The following PPP6R3 variants were observed in gnomAD, a reference collection of about 807,000 sequenced individuals.
PPP6R3 encodes serine/threonine-protein phosphatase 6 regulatory subunit 3.
PPP6R3 carries 38 observed loss-of-function variants against 110.7 expected under a neutral mutation model. The observed-to-expected ratio is 0.34, with a 90% CI of 0.26 to 0.45. The LOEUF (loss-of-function observed/expected upper bound fraction) is 0.45. PPP6R3 is among the 20% of genes least tolerant of loss of function. The pLI is 1.00. For missense variants in PPP6R3, 870 were observed against 1,062.4 expected (o/e 0.82, Z 2.52); for synonymous variants, 369 against 373.5 (o/e 0.99, Z 0.14).
intron 16 of PPP6R3, 22 bp downstream of exon 16, chr11:68,588,046 C>T (rs190552433): frequency 2.4e-4 from 380 of 1,587,074 alleles, no homozygotes; most frequent in Non-Finnish European, 2.8e-4. Flanking sequence ...TTTCTGTTTC[C>T]GCTGTTGCTC....
At chr11:68,587,710 CAT>C (rs1384805274) in intron 15 of PPP6R3, 4 of 620,050 alleles carry the variant, frequency 6.5e-6, no homozygotes, top group South Asian at 3.7e-5. Flanking sequence ...CTTACAGTGA[CAT>C]GTGCATTAGA....
intron 23 of PPP6R3, 23 bp from the exon 24 acceptor site, chr11:68,613,043 G>A (rs377671619): frequency 5.6e-5 from 90 of 1,613,938 alleles, no homozygotes; most frequent in Middle Eastern, 1.6e-4. Context: ...AAGTGCCTCC[G>A]ATGCCTGTCT....
At chr11:68,612,225 C>A (rs1943853743) in intron 23 of PPP6R3, among the ~76,000 whole-genome samples, 1 of 152,182 alleles carries the variant, frequency 6.6e-6, no homozygotes, top group Admixed American at 6.5e-5. Flanking sequence ...ATACACGGAG[C>A]CACCATCAGA....
intron 12 of PPP6R3, among the ~76,000 whole-genome samples, chr11:68,573,150 ATATAAT>A (rs2099516531): frequency 3.6e-5 from 3 of 82,760 alleles, no homozygotes; most frequent in East Asian, 3.4e-4. Flanking sequence ...ATATATATAT[ATATAAT>A]TTTTTTTTTT....
chr11:68,561,494 G>A (rs1053133321), intron 8 of PPP6R3, among the ~76,000 whole-genome samples: 6 of 152,142 alleles, frequency 3.9e-5, no homozygotes, highest in Non-Finnish European at 8.8e-5. Flanking sequence ...CACAAGAGCT[G>A]AAATGTAAAA....
chr11:68,527,348 C>T (rs766973595), intron 2 of PPP6R3, among the ~76,000 whole-genome samples: 3 of 152,196 alleles, frequency 2.0e-5, no homozygotes, highest in South Asian at 2.1e-4. Flanking sequence ...TGACAGTTAA[C>T]GCATTCACAC....
chr11:68,573,125 TATATATATATATATATATA>T, intron 12 of PPP6R3, among the ~76,000 whole-genome samples: 1 of 64,754 alleles, frequency 1.5e-5, no homozygotes, highest in East Asian at 4.0e-4. Flanking sequence ...TATATATATA[TATATATATATATATATATA>T]TATATATATA....
At chr11:68,552,505 G>T (rs1450391606) in intron 6 of PPP6R3, among the ~76,000 whole-genome samples, 1 of 152,220 alleles carries the variant, frequency 6.6e-6, no homozygotes, top group Non-Finnish European at 1.5e-5. Context: ...GTTACTGTTA[G>T]CAGAGTTGAC....
chr11:68,592,634 C>A (rs370359930), intron 18 of PPP6R3, among the ~76,000 whole-genome samples: 3 of 152,110 alleles, frequency 2.0e-5, no homozygotes, highest in Admixed American at 2.0e-4. Context: ...GCTGTTAGAC[C>A]GGGCATCTTT....
chr11:68,553,340 C>G (rs2099388139), intron 6 of PPP6R3, among the ~76,000 whole-genome samples: 1 of 149,006 alleles, frequency 6.7e-6, no homozygotes, highest in African/African-American at 2.5e-5. Flanking sequence ...GTTGCCCAGG[C>G]TGGAGTGCAA....
chr11:68,598,558 G>A (rs2099621070), intron 19 of PPP6R3, among the ~76,000 whole-genome samples: 1 of 152,190 alleles, frequency 6.6e-6, no homozygotes, highest in African/African-American at 2.4e-5. Flanking sequence ...TAGGGTTGGG[G>A]AAGATTCTCT....
Position 68,608,488 on chromosome 11 carries a change from G to A in PPP6R3, c.2451-1416G>A, listed in dbSNP as rs955333223. Among the ~76,000 whole-genome samples, 6 of 152,242 alleles carry A rather than the reference G, an allele frequency of 3.9e-5. No homozygotes were observed. The South Asian group carries it at 1.0e-3, about 26-fold the overall frequency. On this transcript the variant is annotated intron_variant, in intron 22 of 23. Coordinates refer to ENST00000393800, the MANE Select transcript of PPP6R3 (RefSeq NM_001164161.2). The stretch of plus-strand genomic sequence containing the variant: ...ATACAGACCAGGGCAGTCATTCTGG[G>A]TAGTAGCGTGGGCTTCTTTGTAGGT...
rs11309470 is a variant in PPP6R3, at chr11:68,613,898, ATTTTTT to A, written c.*794_*799del. Reference sequence around the variant, plus strand: ...GAGTGTATATGGCTTGTGTTTTGGGATTTTTTTTTTTTTTTTTTGGCTTTTGTTTTT... The same window carrying A: ...GAGTGTATATGGCTTGTGTTTTGGGATTTTTTTTTTTTGGCTTTTGTTTTT... On this transcript the variant is annotated 3_prime_UTR_variant, in exon 24 of 24. Transcript: ENST00000393800. 1.3e-5 allele frequency: 12 copies of A among 918,494 alleles called. No individual in the cohort carries two copies. The highest frequency in any genetic ancestry group is 6.1e-5 in the African/African-American group (3 of 49,222). 56.9% of individuals were successfully genotyped at this position (918,494 alleles called of 1,614,324 possible). A position where few individuals can be genotyped will look rare whatever the true frequency, so the allele number is the denominator to read the frequency against.
chr11:68,594,141 A>G (rs1007041749), intron 18 of PPP6R3, among the ~76,000 whole-genome samples: 22 of 152,286 alleles, frequency 1.4e-4, no homozygotes, highest in Middle Eastern at 3.4e-3. Flanking sequence ...GAAAGGGATA[A>G]AGAAAGTGAT....
At chr11:68,475,188 C>A (rs1385093662) in intron 1 of PPP6R3, among the ~76,000 whole-genome samples, 3 of 152,128 alleles carry the variant, frequency 2.0e-5, no homozygotes, top group African/African-American at 7.2e-5. Context: ...TCCATTTAAC[C>A]CTGAGTGGAC....
At chr11:68,607,236 G>T (rs961170763) in intron 22 of PPP6R3, among the ~76,000 whole-genome samples, 2 of 152,194 alleles carry the variant, frequency 1.3e-5, no homozygotes, top group African/African-American at 2.4e-5. Context: ...TTGAAAAAGG[G>T]ACTTGCCCTG....
rs567387635 is a variant in PPP6R3, at chr11:68,503,274, G to A, written c.-157-16227G>A. On this transcript the variant is annotated intron_variant, in intron 1 of 23. Coordinates refer to ENST00000393800, the MANE Select transcript of PPP6R3 (RefSeq NM_001164161.2). ...GAATATTTTAAAAACCCACGGAAAC[G>A]GCTTCGTTTATTCAACAGAACTTGT... Among the ~76,000 whole-genome samples the A allele has an allele frequency of 1.8e-4, 28 of 152,294 alleles. 1 individual carries two copies. Among genetic ancestry groups the A allele is most frequent in the African/African-American group, 5.3e-4 (22 of 41,584 alleles).
intron 3 of PPP6R3, among the ~76,000 whole-genome samples, chr11:68,543,966 A>G (rs1376422841): frequency 1.3e-5 from 2 of 152,190 alleles, no homozygotes; most frequent in African/African-American, 4.8e-5. Flanking sequence ...GTGGGTCCAT[A>G]TAGAGCAGGT....
chr11:68,606,001 G>T (rs1939526262), intron 22 of PPP6R3, among the ~76,000 whole-genome samples: 1 of 152,204 alleles, frequency 6.6e-6, no homozygotes, highest in African/African-American at 2.4e-5. Flanking sequence ...TACAGAAAAT[G>T]ATCAGTTCAT....
Sources: gnomAD v4.1 joint callset for allele counts (sites outside exome capture counted in the v4.1 genomes callset) on GRCh38, gnomAD v4.1.1 for gene constraint, MANE v1.5 for transcripts, NCBI Gene and HGNC (gene_info 2026-07-23, HGNC 2026-07-21) for gene names.